TNNI3K: variants seen among roughly 807,000 people sequenced by gnomAD.
TNNI3K encodes the protein serine/threonine-protein kinase TNNI3K.
TNNI3K carries 140 observed loss-of-function variants against 114.5 expected under a neutral mutation model. That is an observed-to-expected ratio of 1.22 (90% CI 1.07 to 1.41). TNNI3K has a LOEUF of 1.41. TNNI3K is among the 40% of genes most tolerant of loss of function. The probability of loss-of-function intolerance (pLI) is 0.00; values close to 1 mark genes in which losing one functional copy is unlikely to be tolerated. For missense variants in TNNI3K, 1,125 were observed against 1,007.6 expected (o/e 1.12, Z -1.58); for synonymous variants, 347 against 347.5 (o/e 1.00, Z 0.02).
chr1:74,260,935 C>T (rs1655625826), intron 4 of TNNI3K, among the ~76,000 whole-genome samples: 1 of 151,988 alleles, frequency 6.6e-6, no homozygotes, highest in African/African-American at 2.4e-5. Context: ...CTTTGGAAAA[C>T]AACCAGTGTT....
chr1:74,305,639 C>G (rs976949014), intron 5 of TNNI3K, among the ~76,000 whole-genome samples: 1 of 152,136 alleles, frequency 6.6e-6, no homozygotes, highest in African/African-American at 2.4e-5. Flanking sequence ...AAGGGCTGTG[C>G]TGTCTGCTCT....
intron 23 of TNNI3K, among the ~76,000 whole-genome samples, chr1:74,502,825 C>T (rs1338540894): frequency 6.6e-6 from 1 of 152,132 alleles, no homozygotes; most frequent in Non-Finnish European, 1.5e-5. Context: ...GCTGCTGCCT[C>T]GTTCACAGGC....
At chr1:74,402,145 G>A (rs182032934) in intron 17 of TNNI3K, among the ~76,000 whole-genome samples, 55 of 152,064 alleles carry the variant, frequency 3.6e-4, no homozygotes, top group East Asian at 2.3e-3. Flanking sequence ...AAAACACAAC[G>A]GGGTCAAGTG....
chr1:74,287,335 G>A (rs111907259), intron 5 of TNNI3K, among the ~76,000 whole-genome samples: 2,615 of 152,152 alleles, frequency 0.017, 35 homozygotes, highest in Non-Finnish European at 0.023. Context: ...TTCAAGTTTG[G>A]AAAGGGAAAT....
chr1:74,422,273 A>AT (rs45555234), intron 17 of TNNI3K, among the ~76,000 whole-genome samples: 4 of 151,880 alleles, frequency 2.6e-5, no homozygotes, highest in Non-Finnish European at 4.4e-5. Flanking sequence ...ATCTCATTTG[A>AT]TTTTTTTATT....
chr1:74,280,043 C>G (rs757387522), intron 5 of TNNI3K, among the ~76,000 whole-genome samples: 15 of 6,038 alleles, frequency 2.5e-3, no homozygotes, highest in South Asian at 9.3e-3. Context: ...TCATAATAAC[C>G]AAAAATCAGG....
intron 2 of TNNI3K, among the ~76,000 whole-genome samples, chr1:74,245,919 A>T (rs1006878164): frequency 6.6e-6 from 1 of 152,204 alleles, no homozygotes; most frequent in African/African-American, 2.4e-5. Flanking sequence ...ACTGGGAAAC[A>T]CACCTCAACT....
intron 23 of TNNI3K, among the ~76,000 whole-genome samples, chr1:74,512,834 C>G (rs888789726): frequency 3.3e-5 from 5 of 152,096 alleles, no homozygotes; most frequent in Non-Finnish European, 7.3e-5. Context: ...AAATGGGCAC[C>G]CCCTGCAGCA....
rs1035911090 is a variant in TNNI3K at position 74,267,744 on chromosome 1, T to A, written c.334-3854T>A. Among the ~76,000 whole-genome samples the A allele has an allele frequency of 3.3e-5, 5 of 151,830 alleles. No homozygotes were observed. The East Asian group carries it at 5.8e-4, about 18-fold the overall frequency. ...AAAAAGTATTTAGATCAATTAGAGGTCAATCTTGAGAAATCCAACCAAGGT... is the reference window on the plus strand; with the variant it reads ...AAAAAGTATTTAGATCAATTAGAGGACAATCTTGAGAAATCCAACCAAGGT... On this transcript the variant is annotated intron_variant, in intron 4 of 24. Transcript: ENST00000326637.
intron 21 of TNNI3K, chr1:74,480,663 C>G (rs878892430): frequency 1.4e-6 from 1 of 717,260 alleles, no homozygotes; most frequent in South Asian, 1.5e-5. Flanking sequence ...CGGGTCAGGC[C>G]GCTTGTGTTT....
chr1:74,464,735 G>A (rs1218991537), intron 21 of TNNI3K: 1 of 1,578,186 alleles, frequency 6.3e-7, no homozygotes, highest in East Asian at 2.3e-5. Context: ...GAGTATCTCA[G>A]AAGATAACCT....
chr1:74,498,840 C>T (rs1439685841), intron 23 of TNNI3K, among the ~76,000 whole-genome samples: 1 of 151,950 alleles, frequency 6.6e-6, no homozygotes, highest in Non-Finnish European at 1.5e-5. Flanking sequence ...ACATTCATTC[C>T]CTGTGTGTTT....
At chr1:74,275,461 C>CA (rs956377751) in intron 5 of TNNI3K, among the ~76,000 whole-genome samples, 80 of 152,130 alleles carry the variant, frequency 5.3e-4, no homozygotes, top group African/African-American at 1.7e-3. Flanking sequence ...TATGGGAGTA[C>CA]AATTCAAGAT....
At position 74,544,258 on chromosome 1, in the gene TNNI3K, G is replaced by A. The variant is rs555383652; in HGVS notation, c.*276G>A. ...ATTTAGATCGTTACTTGGAAATGGAGCCTAAGTCTGTGGTGGACAGATAAT... is the reference window on the plus strand; with the variant it reads ...ATTTAGATCGTTACTTGGAAATGGAACCTAAGTCTGTGGTGGACAGATAAT... On this transcript the variant is annotated 3_prime_UTR_variant, in exon 25 of 25. Coordinates refer to ENST00000326637, the MANE Select transcript of TNNI3K (RefSeq NM_015978.3). The A allele has an allele frequency of 5.5e-6, 2 of 363,184 alleles. No individual in the cohort carries two copies. Among genetic ancestry groups the A allele is most frequent in the African/African-American group, 4.3e-5 (2 of 46,476 alleles). 22.5% of individuals were successfully genotyped at this position (363,184 alleles called of 1,614,324 possible). A position where few individuals can be genotyped will look rare whatever the true frequency, so the allele number is the denominator to read the frequency against.
intron 4 of TNNI3K, among the ~76,000 whole-genome samples, chr1:74,262,661 T>G (rs1655748357): frequency 6.6e-6 from 1 of 152,032 alleles, no homozygotes; most frequent in African/African-American, 2.4e-5. Context: ...TAGAGAAAAT[T>G]TTTACTCATA....
intron 20 of TNNI3K, among the ~76,000 whole-genome samples, chr1:74,454,927 G>T (rs1667169272): frequency 6.6e-6 from 1 of 152,050 alleles, no homozygotes; most frequent in African/African-American, 2.4e-5. Flanking sequence ...ACTTCAAAAG[G>T]TTAGAGCAGT....
At chr1:74,450,638 A>C (rs1005497845) in intron 20 of TNNI3K, among the ~76,000 whole-genome samples, 4 of 149,594 alleles carry the variant, frequency 2.7e-5, no homozygotes, top group African/African-American at 9.7e-5. Flanking sequence ...CAACAAACAT[A>C]CAAAAAAACG....
At chr1:74,434,208 C>G (rs2100659075) in intron 17 of TNNI3K, among the ~76,000 whole-genome samples, 1 of 152,118 alleles carries the variant, frequency 6.6e-6, no homozygotes, top group South Asian at 2.1e-4. Context: ...TTTCAAATTC[C>G]CTAGCAATTC....
intron 3 of TNNI3K, 47 bp downstream of exon 3, chr1:74,249,591 A>G: frequency 6.3e-7 from 1 of 1,576,968 alleles, no homozygotes; most frequent in Non-Finnish European, 8.7e-7. Flanking sequence ...ATATGTGTAT[A>G]TCGTCAGTGA....
Sources: gnomAD v4.1 joint callset for allele counts (sites outside exome capture counted in the v4.1 genomes callset) on GRCh38, gnomAD v4.1.1 for gene constraint, MANE v1.5 for transcripts, NCBI Gene and HGNC (gene_info 2026-07-23, HGNC 2026-07-21) for gene names.